PTPRD: variants seen among roughly 807,000 people sequenced by gnomAD.
PTPRD encodes receptor-type tyrosine-protein phosphatase delta.
PTPRD carries 34 observed loss-of-function variants against 214.5 expected under a neutral mutation model. The ratio of observed to expected loss-of-function variants is 0.16; its 90% CI spans 0.12 to 0.21. The LOEUF (loss-of-function observed/expected upper bound fraction) is 0.21, where lower values mean the gene tolerates loss of function less well. PTPRD is among the 10% of genes least tolerant of loss of function. The probability of loss-of-function intolerance (pLI) is 1.00; values close to 1 mark genes in which losing one functional copy is unlikely to be tolerated. For synonymous variants in PTPRD, 1,128 were observed against 845.7 expected (o/e 1.33, Z -5.79); for missense variants, 2,545 against 2,398.7 (o/e 1.06, Z -1.27).
intron 39 of PTPRD, among the ~76,000 whole-genome samples, chr9:8,349,935 T>G (rs1173641736): frequency 2.7e-5 from 1 of 36,392 alleles, no homozygotes; most frequent in East Asian, 7.0e-4. Flanking sequence ...CTTTAGTGGT[T>G]TTTTTTTTTT....
chr9:8,587,757 T>C (rs1266234095), intron 14 of PTPRD, among the ~76,000 whole-genome samples: 1 of 152,166 alleles, frequency 6.6e-6, no homozygotes, highest in Non-Finnish European at 1.5e-5. Flanking sequence ...GAAACATGTG[T>C]TACAAGAAAG....
chr9:10,046,274 A>G (rs1380815244), intron 3 of PTPRD, among the ~76,000 whole-genome samples: 1 of 151,834 alleles, frequency 6.6e-6, no homozygotes, highest in Non-Finnish European at 1.5e-5. Flanking sequence ...TATCCATACA[A>G]TTTTTAAGAT....
intron 8 of PTPRD, among the ~76,000 whole-genome samples, chr9:9,486,241 C>T (rs1398499085): frequency 7.4e-6 from 1 of 135,168 alleles, no homozygotes; most frequent in Non-Finnish European, 1.5e-5. Context: ...TTTCCTTTCA[C>T]AGAGAACCTT....
intron 39 of PTPRD, among the ~76,000 whole-genome samples, chr9:8,345,892 T>G (rs1857137285): frequency 6.6e-6 from 1 of 152,084 alleles, no homozygotes; most frequent in East Asian, 1.9e-4. Flanking sequence ...TTTCACGGAT[T>G]ACATATCTCT....
At chr9:9,462,266 G>T (rs1038859944) in intron 8 of PTPRD, among the ~76,000 whole-genome samples, 1 of 152,108 alleles carries the variant, frequency 6.6e-6, no homozygotes, top group Non-Finnish European at 1.5e-5. Context: ...TAGAACTAGA[G>T]GGCTAGAGTT....
intron 2 of PTPRD, among the ~76,000 whole-genome samples, chr9:10,498,570 T>C (rs2133104237): frequency 6.6e-6 from 1 of 152,018 alleles, no homozygotes; most frequent in Non-Finnish European, 1.5e-5. Flanking sequence ...GAAAACTTAC[T>C]TTTAAGATAT....
At chr9:8,331,511 AC>A in intron 44 of PTPRD, 70 bp downstream of exon 44, 2 of 1,541,090 alleles carry the variant, frequency 1.3e-6, no homozygotes, top group South Asian at 2.4e-5. Flanking sequence ...CAAACTTACT[AC>A]AAAAAGTGTA....
At chr9:10,413,098 G>A (rs1271444688) in intron 2 of PTPRD, among the ~76,000 whole-genome samples, 6 of 151,880 alleles carry the variant, frequency 4.0e-5, no homozygotes, top group Admixed American at 3.3e-4. Flanking sequence ...ACATAGTATT[G>A]AAAGTCATAG....
At chr9:9,792,019 T>A (rs2098971077) in intron 5 of PTPRD, among the ~76,000 whole-genome samples, 1 of 152,162 alleles carries the variant, frequency 6.6e-6, no homozygotes, top group African/African-American at 2.4e-5. Context: ...AAATAAAAAC[T>A]TAAGTCTTAT....
intron 5 of PTPRD, among the ~76,000 whole-genome samples, chr9:9,920,010 G>C (rs1228358720): frequency 6.6e-6 from 1 of 151,962 alleles, no homozygotes; most frequent in African/African-American, 2.4e-5. Flanking sequence ...CATAATCAAA[G>C]ATCTTTTCTT....
Position 10,055,997 on chromosome 9 carries a change from G to C in PTPRD, c.-544-22207C>G, listed in dbSNP as rs112001711. On this transcript the variant is annotated intron_variant, in intron 3 of 45. Transcript: ENST00000381196. ...GAAGCACACTTGTTTCTGCACTGTA[G>C]TCTATGATTTCTGAAAGTACTTCTT... Among the ~76,000 whole-genome samples, 64 of 142,836 alleles carry C rather than the reference G, an allele frequency of 4.5e-4. 1 individual carries two copies. Among genetic ancestry groups the C allele is most frequent in the African/African-American group, 1.9e-3 (63 of 32,680 alleles). 93.7% of individuals were successfully genotyped at this position (142,836 alleles called of 152,430 possible).
chr9:8,984,501 T>G (rs1337702749), intron 11 of PTPRD, among the ~76,000 whole-genome samples: 1 of 152,134 alleles, frequency 6.6e-6, no homozygotes, highest in African/African-American at 2.4e-5. Flanking sequence ...AATTGAAACC[T>G]AAATTATGAG....
At chr9:8,661,059 CA>C (rs1411941070) in intron 12 of PTPRD, among the ~76,000 whole-genome samples, 2 of 151,986 alleles carry the variant, frequency 1.3e-5, no homozygotes, top group Non-Finnish European at 2.9e-5. Flanking sequence ...TTATTGTTCT[CA>C]AAATCAGACA....
chr9:8,611,976 GGGGAGGGGAGGGGAGGGTTT>G lies in PTPRD; in HGVS notation c.352+21321_352+21340del, dbSNP rs201193747. Among the ~76,000 whole-genome samples, 718 of 135,726 alleles carry G rather than the reference GGGGAGGGGAGGGGAGGGTTT, an allele frequency of 5.3e-3. 5 individuals are homozygous for G. The highest frequency in any genetic ancestry group is 0.019 in the African/African-American group (670 of 35,898). 89.0% of individuals were successfully genotyped at this position (135,726 alleles called of 152,430 possible). On this transcript the variant is annotated intron_variant, in intron 14 of 45. Transcript: ENST00000381196. ...AAACAAAAGAAAACAAAAGAGGGGA[GGGGAGGGGAGGGGAGGGTTT>G]GGGAGGGGAGGGAAAGAGAGCAGGA...
At chr9:8,631,425 T>A (rs1334504017) in intron 14 of PTPRD, among the ~76,000 whole-genome samples, 1 of 151,828 alleles carries the variant, frequency 6.6e-6, no homozygotes, top group Non-Finnish European at 1.5e-5. Context: ...GCTGACTTGA[T>A]TGCTTTAGAA....
intron 11 of PTPRD, among the ~76,000 whole-genome samples, chr9:8,827,211 G>C (rs1488771503): frequency 6.6e-6 from 1 of 152,126 alleles, no homozygotes; most frequent in East Asian, 1.9e-4. Flanking sequence ...CTCACTGAGG[G>C]TAAGGACAAC....
intron 9 of PTPRD, among the ~76,000 whole-genome samples, chr9:9,263,528 G>A (rs935398433): frequency 6.6e-5 from 10 of 151,546 alleles, no homozygotes; most frequent in Non-Finnish European, 1.3e-4. Flanking sequence ...TTGATCTGAT[G>A]TAACTTCATG....
intron 5 of PTPRD, among the ~76,000 whole-genome samples, chr9:9,889,483 A>C (rs369252874): frequency 6.9e-4 from 105 of 152,272 alleles, no homozygotes; most frequent in African/African-American, 2.5e-3. Context: ...AAGGAGTGCA[A>C]AAGGAGGACT....
chr9:10,127,623 ATTGT>A (rs2098829519), intron 3 of PTPRD, among the ~76,000 whole-genome samples: 1 of 152,184 alleles, frequency 6.6e-6, no homozygotes, highest in Admixed American at 6.6e-5. Flanking sequence ...TATTAATCAT[ATTGT>A]TTCTTATCCT....
Sources: allele counts gnomAD v4.1 joint callset (sites outside exome capture counted in the v4.1 genomes callset), GRCh38; gene constraint gnomAD v4.1.1; transcripts MANE v1.5; gene names NCBI Gene and HGNC (gene_info 2026-07-23, HGNC 2026-07-21).